The following TMPRSS15 variants were observed in gnomAD, a reference collection of about 807,000 sequenced individuals.
The protein encoded by TMPRSS15 is transmembrane serine protease 15, also known as enteropeptidase.
A neutral mutation model predicts 125.3 loss-of-function variants in TMPRSS15; 128 were observed. The observed-to-expected ratio is 1.02, with a 90% confidence interval of 0.89 to 1.18. TMPRSS15 has a LOEUF of 1.18. Ranked by LOEUF, TMPRSS15 falls within the 50% of genes most tolerant of loss-of-function variation. The probability of loss-of-function intolerance (pLI) is 0.00; values close to 1 mark genes in which losing one functional copy is unlikely to be tolerated. For missense variants in TMPRSS15, 1,283 were observed against 1,212.7 expected, an observed-to-expected ratio of 1.06 and a Z score of -0.86; for synonymous variants, 446 against 423.2, an observed-to-expected ratio of 1.05 and a Z score of -0.66.
intron 21 of TMPRSS15, among the ~76,000 whole-genome samples, chr21:18,288,599 G>A (rs1365422820): frequency 7.4e-6 from 1 of 135,810 alleles, no homozygotes; most frequent in Non-Finnish European, 1.5e-5. Context: ...GGAGTGCAGT[G>A]GTGCGATCTC....
At chr21:18,328,610 G>A (rs1285921279) in intron 15 of TMPRSS15, among the ~76,000 whole-genome samples, 1 of 152,040 alleles carries the variant, frequency 6.6e-6, no homozygotes, top group African/African-American at 2.4e-5. Flanking sequence ...TAGAATGATG[G>A]TTACAAGTGG....
intron 1 of TMPRSS15, among the ~76,000 whole-genome samples, chr21:18,443,720 G>A (rs931725689): frequency 7.9e-5 from 12 of 152,180 alleles, no homozygotes; most frequent in Admixed American, 3.9e-4. Flanking sequence ...ACTTCTGTCC[G>A]AACTCAGCCA....
intron 24 of TMPRSS15, among the ~76,000 whole-genome samples, chr21:18,271,482 G>C (rs562000267): frequency 6.6e-6 from 1 of 152,104 alleles, no homozygotes; most frequent in South Asian, 2.1e-4. Context: ...GTTGCCTATC[G>C]GCTGGGTGGT....
rs1310283437 is a variant in TMPRSS15, at chr21:18,281,152, A to G, written c.2556T>C (p.Pro852=). The change falls in exon 22 of 25, where the codon CCT becomes CCC. Residue 852 remains proline (P), a synonymous_variant. Coordinates refer to ENST00000284885, the MANE Select transcript of TMPRSS15 (RefSeq NM_002772.3). Reference sequence around the variant, plus strand: ...CATCTATTAATCGAGGGACTGTTTGAGGAGAGGTCAGATTTGATTTCATAT... The same window carrying G: ...CATCTATTAATCGAGGGACTGTTTGGGGAGAGGTCAGATTTGATTTCATAT... ...GLHMKSNLTS[P]QTVPRLIDEI... 3 of 1,613,858 alleles carry G rather than the reference A, an allele frequency of 1.9e-6. No individual in the cohort carries two copies. The highest frequency in any genetic ancestry group is 2.5e-6 in the Non-Finnish European group (3 of 1,179,994).
chr21:18,452,024 T>A (rs1978347463), intron 1 of TMPRSS15, among the ~76,000 whole-genome samples: 1 of 152,188 alleles, frequency 6.6e-6, no homozygotes, highest in Non-Finnish European at 1.5e-5. Context: ...AGATTCATTA[T>A]GATTTTACTC....
At chr21:18,395,241 T>C (rs1465746332) in intron 3 of TMPRSS15, among the ~76,000 whole-genome samples, 1 of 152,218 alleles carries the variant, frequency 6.6e-6, no homozygotes, top group Non-Finnish European at 1.5e-5. Flanking sequence ...TGTGACTCTT[T>C]AGCCTTAACT....
chr21:18,365,556 CTCTT>C lies in TMPRSS15; in HGVS notation c.665-312_665-309del, dbSNP rs1195399062. On this transcript the variant is annotated intron_variant, in intron 6 of 24. Coordinates refer to ENST00000284885, the MANE Select transcript of TMPRSS15 (RefSeq NM_002772.3). ...CCCTTCCTTCTTTCCTTCCTTTTCTCTCTTTCTTTCTCTCTCTTTCTCTCTTTTT... is the reference window on the plus strand; with the variant it reads ...CCCTTCCTTCTTTCCTTCCTTTTCTCTCTTTCTCTCTCTTTCTCTCTTTTT... Among the ~76,000 whole-genome samples, 118 of 101,036 alleles carry C rather than the reference CTCTT, an allele frequency of 1.2e-3. 2 individuals carry two copies. The highest frequency in any genetic ancestry group is 5.2e-3 in the East Asian group (18 of 3,442). The allele number at this position is 101,036 out of a possible 152,430, so 66.3% of individuals were successfully genotyped here.
chr21:18,302,757 T>G (rs1268666645), intron 18 of TMPRSS15, among the ~76,000 whole-genome samples: 1 of 152,222 alleles, frequency 6.6e-6, no homozygotes, highest in African/African-American at 2.4e-5. Flanking sequence ...TGCTGGTACC[T>G]CCTTCCTACC....
rs894252059 is a variant in TMPRSS15 at position 18,307,778 on chromosome 21, A to G, written c.2165+5167T>C. 1.2e-3 allele frequency among the ~76,000 whole-genome samples: 176 copies of G among 152,256 alleles called. 2 individuals carry two copies. The highest frequency in any genetic ancestry group is 4.1e-3 in the African/African-American group (171 of 41,556). On this transcript the variant is annotated intron_variant, in intron 18 of 24. Transcript: ENST00000284885. ...CACATTTTGCTATCAGCCAACTAAC[A>G]GGTTTCATTCAAATTAATTGAAAAA... is the stretch of plus-strand genomic sequence containing the variant.
intron 19 of TMPRSS15, among the ~76,000 whole-genome samples, chr21:18,296,211 G>A (rs1350252268): frequency 6.6e-6 from 1 of 152,148 alleles, no homozygotes; most frequent in African/African-American, 2.4e-5. Context: ...ATAGTTGGCT[G>A]AATCATTTTC....
chr21:18,321,781 G>A (rs900664728), intron 16 of TMPRSS15, among the ~76,000 whole-genome samples: 1 of 152,172 alleles, frequency 6.6e-6, no homozygotes, highest in Non-Finnish European at 1.5e-5. Context: ...CCCTGTTTCT[G>A]TAATTGCTTT....
At chr21:18,470,547 C>A (rs546287242) in intron 1 of TMPRSS15, among the ~76,000 whole-genome samples, 2 of 152,180 alleles carry the variant, frequency 1.3e-5, no homozygotes, top group East Asian at 1.9e-4. Context: ...ATAAAAGAAG[C>A]AGTATATCTG....
intron 1 of TMPRSS15, among the ~76,000 whole-genome samples, chr21:18,462,381 C>T (rs2122953139): frequency 6.6e-6 from 1 of 152,040 alleles, no homozygotes; most frequent in South Asian, 2.1e-4. Context: ...CTTGGAATTG[C>T]TGTTTTTTTA....
chr21:18,332,089 G>C lies in TMPRSS15; in HGVS notation c.1649C>G (p.Ala550Gly), dbSNP rs767357761. 9.3e-6 allele frequency: 15 copies of C among 1,613,766 alleles called. No individual in the cohort carries two copies. The highest frequency in any genetic ancestry group is 1.3e-5 in the Non-Finnish European group (15 of 1,179,680). The change falls in exon 14 of 25, where the codon GCT (alanine) becomes GGT (glycine). Residue 550 changes from alanine (A) to glycine (G), a missense_variant. Physicochemically the swap from Ala to Gly is moderately conservative, Grantham distance 60. Coordinates refer to ENST00000284885, the MANE Select transcript of TMPRSS15 (RefSeq NM_002772.3). ...CTGGAAAAGAAATGACTCACAGAAAGCCAGATTAGGGTAGCTGTTTGGAAA... is the reference window on the plus strand; with the variant it reads ...CTGGAAAAGAAATGACTCACAGAAACCCAGATTAGGGTAGCTGTTTGGAAA... ...TNFPNSYPNLAFCVWILNAQK... is the reference protein window; with the variant it reads ...TNFPNSYPNLGFCVWILNAQK...
intron 12 of TMPRSS15, among the ~76,000 whole-genome samples, chr21:18,341,830 T>G (rs1256334215): frequency 6.6e-6 from 1 of 152,256 alleles, no homozygotes; most frequent in Admixed American, 6.5e-5. Context: ...TATCTCTGTC[T>G]GTGTCTCTCT....
intron 1 of TMPRSS15, among the ~76,000 whole-genome samples, chr21:18,440,216 T>C (rs1181769372): frequency 2.0e-5 from 3 of 150,370 alleles, no homozygotes; most frequent in Non-Finnish European, 4.4e-5. Flanking sequence ...CTACTAAAAA[T>C]ACAAAAATTA....
chr21:18,343,731 T>G, intron 11 of TMPRSS15, 75 bp from the exon 12 acceptor site: 1 of 1,504,308 alleles, frequency 6.6e-7, no homozygotes, highest in Admixed American at 1.8e-5. Context: ...TTTTCTACAT[T>G]TTTTACTTTC....
Position 18,332,111 on chromosome 21 carries a change from G to A in TMPRSS15, c.1627C>T (p.Pro543Ser). ...AAAGCCAGATTAGGGTAGCTGTTTG[G>A]AAAGTTCGTAGAACTGAATGTTGTA... ...PNTTFSSTNFPNSYPNLAFCV... is the reference protein window; with the variant it reads ...PNTTFSSTNFSNSYPNLAFCV... The change falls in exon 14 of 25, where the codon CCA (proline) becomes TCA (serine). Residue 543 changes from proline (P) to serine (S), a missense_variant. Pro to Ser is a moderately conservative substitution (Grantham distance 74). Transcript: ENST00000284885. The A allele has an allele frequency of 6.2e-7, 1 of 1,614,078 alleles. No homozygotes were observed. The highest frequency in any genetic ancestry group is 8.5e-7 in the Non-Finnish European group (1 of 1,179,964).
chr21:18,323,131 T>C (rs2075255932), intron 16 of TMPRSS15, among the ~76,000 whole-genome samples: 1 of 152,234 alleles, frequency 6.6e-6, no homozygotes, highest in Non-Finnish European at 1.5e-5. Flanking sequence ...TTTCTCATTT[T>C]CAACTTAAAA....
Sources: gnomAD v4.1 joint callset for allele counts (sites outside exome capture counted in the v4.1 genomes callset) on GRCh38, gnomAD v4.1.1 for gene constraint, MANE v1.5 for transcripts, NCBI Gene and HGNC (gene_info 2026-07-23, HGNC 2026-07-21) for gene names.